Variants in REXO5 observed in about 807,000 individuals in gnomAD.
REXO5 encodes the protein exonuclease NEF-sp.
A neutral mutation model predicts 88.5 loss-of-function variants in REXO5; 48 were observed. That is an observed-to-expected ratio of 0.54 (90% CI 0.43 to 0.69). The LOEUF is 0.69. Ranked by LOEUF, REXO5 falls within the 30% of genes least tolerant of loss-of-function variation. The pLI is 0.00. For missense variants in REXO5, 749 were observed against 912.2 expected, an observed-to-expected ratio of 0.82 and a Z score of 2.30; for synonymous variants, 311 against 336.5, an observed-to-expected ratio of 0.92 and a Z score of 0.83.
chr16:20,818,424 A>C lies in REXO5; in HGVS notation c.475+2212A>C, dbSNP rs113559068. The stretch of plus-strand genomic sequence containing the variant: ...TCTACCAGTTTTTCATGTATGTTTT[A>C]TATATCCCTTTTTCTCCATAGCTTC... On this transcript the variant is annotated intron_variant, in intron 5 of 19. Coordinates refer to ENST00000261377, the MANE Select transcript of REXO5 (RefSeq NM_030941.3). 9.9e-3 allele frequency among the ~76,000 whole-genome samples: 1,507 copies of C among 152,246 alleles called. 29 individuals carry two copies. The highest frequency in any genetic ancestry group is 0.035 in the African/African-American group (1,433 of 41,530).
chr16:20,817,714 C>A (rs943784853), intron 5 of REXO5, among the ~76,000 whole-genome samples: 5 of 152,140 alleles, frequency 3.3e-5, no homozygotes, highest in African/African-American at 1.2e-4. Context: ...ATATCAGAGT[C>A]CCCAAGGCAT....
chr16:20,820,513 TA>T (rs1457227322), intron 5 of REXO5, among the ~76,000 whole-genome samples: 14 of 1,114 alleles, frequency 0.013, 1 homozygote, highest in East Asian at 0.022. Flanking sequence ...TCTCTCTCTT[TA>T]TATATATATA....
intron 2 of REXO5, chr16:20,807,361 G>T: frequency 2.4e-6 from 1 of 420,062 alleles, no homozygotes; most frequent in Admixed American, 4.1e-5. Flanking sequence ...GGCGGATCAC[G>T]AGGTCAGGAG....
chr16:20,810,353 C>T (rs1471299392), intron 2 of REXO5, among the ~76,000 whole-genome samples: 1 of 152,030 alleles, frequency 6.6e-6, no homozygotes, highest in African/African-American at 2.4e-5. Context: ...TCAGTATCTC[C>T]ACTTTAATCC....
At chr16:20,834,857 T>C (rs941616376) in intron 13 of REXO5, among the ~76,000 whole-genome samples, 2 of 152,350 alleles carry the variant, frequency 1.3e-5, no homozygotes, top group Admixed American at 1.3e-4. Flanking sequence ...TCTAGCTTCT[T>C]AAATTTCAGA....
intron 5 of REXO5, among the ~76,000 whole-genome samples, chr16:20,819,288 T>G (rs2081129438): frequency 6.6e-6 from 1 of 152,148 alleles, no homozygotes; most frequent in South Asian, 2.1e-4. Context: ...CAAATGGTAT[T>G]TCTGCCCCTA....
intron 15 of REXO5, among the ~76,000 whole-genome samples, chr16:20,842,901 T>G (rs2081552070): frequency 6.6e-6 from 1 of 152,214 alleles, no homozygotes; most frequent in Admixed American, 6.5e-5. Context: ...TATGTTTAAT[T>G]TTTTGAGGAA....
rs771074740 is a variant in REXO5, at chr16:20,840,317, T to C, written c.1489-14T>C. ...TATTCATTCCCATACTATATTCTGT[T>C]GTTTTTCCTACAGATGAGGATCAAG... On this transcript the variant is annotated splice_polypyrimidine_tract_variant and intron_variant, in intron 14 of 19. Coordinates refer to ENST00000261377, the MANE Select transcript of REXO5 (RefSeq NM_030941.3). 3.9e-6 allele frequency: 6 copies of C among 1,520,508 alleles called. No individual in the cohort carries two copies. The highest frequency in any genetic ancestry group is 5.4e-6 in the Non-Finnish European group (6 of 1,120,330). The allele number at this position is 1,520,508 out of a possible 1,614,324, so 94.2% of individuals were successfully genotyped here. A position where few individuals can be genotyped will look rare whatever the true frequency, so the allele number is the denominator to read the frequency against.
At position 20,831,244 on chromosome 16, in the gene REXO5, A is replaced by C. The variant is rs915264328; in HGVS notation, c.1159-912A>C. Reference sequence around the variant, plus strand: ...TTAATATCTAGCTTAATAGAAAACAAGTGGCTTTTCATATCTGCTTTCACA... The same window carrying C: ...TTAATATCTAGCTTAATAGAAAACACGTGGCTTTTCATATCTGCTTTCACA... On this transcript the variant is annotated intron_variant, in intron 11 of 19. Coordinates refer to ENST00000261377, the MANE Select transcript of REXO5 (RefSeq NM_030941.3). Among the ~76,000 whole-genome samples, 9 of 152,300 alleles carry C rather than the reference A, an allele frequency of 5.9e-5. No homozygotes were observed. The East Asian group carries it at 9.6e-4, about 16-fold the overall frequency.
upstream of REXO5, chr16:20,806,495 G>GT (rs1319224891): frequency 6.5e-7 from 1 of 1,546,434 alleles, no homozygotes; most frequent in African/African-American, 1.4e-5. Context: ...CTTCCGGTCC[G>GT]TTCAAAAAGC....
At chr16:20,831,197 T>C (rs569800256) in intron 11 of REXO5, among the ~76,000 whole-genome samples, 1 of 152,238 alleles carries the variant, frequency 6.6e-6, no homozygotes, top group East Asian at 1.9e-4. Context: ...CATCATTGTT[T>C]TAGGTATTTT....
At chr16:20,831,783 T>C (rs911875432) in intron 11 of REXO5, among the ~76,000 whole-genome samples, 2 of 146,814 alleles carry the variant, frequency 1.4e-5, no homozygotes, top group African/African-American at 4.9e-5. Context: ...ATTTCCAAAA[T>C]TGCATGTTTG....
chr16:20,828,371 G>C, intron 10 of REXO5, 64 bp from the exon 11 acceptor site: 1 of 952,704 alleles, frequency 1.0e-6, no homozygotes, highest in Non-Finnish European at 1.7e-6. Context: ...GAACACTTGA[G>C]ATGGTTGAAA....
chr16:20,831,544 A>T (rs2081345306), intron 11 of REXO5, among the ~76,000 whole-genome samples: 1 of 152,132 alleles, frequency 6.6e-6, no homozygotes, highest in South Asian at 2.1e-4. Flanking sequence ...CTATATGGGA[A>T]CTCTGTACTA....
At chr16:20,824,395 C>A in intron 6 of REXO5, 44 bp from the exon 7 acceptor site, 1 of 1,077,964 alleles carries the variant, frequency 9.3e-7, no homozygotes, top group South Asian at 1.3e-5. Flanking sequence ...TGATGTTTAC[C>A]ATCTCTATTC....
rs1197423730 is a variant in REXO5 at position 20,821,785 on chromosome 16, G to A, written c.499G>A (p.Ala167Thr). ...MEGPLPSNAKAAINLQDDPII... is the reference protein window; with the variant it reads ...MEGPLPSNAKTAINLQDDPII... ...AGGGCCTTTACCTTCTAATGCAAAA[G>A]CCGCCATCAACCTTCAGGATGATCC... The change falls in exon 6 of 20, where the codon GCC (alanine) becomes ACC (threonine). Residue 167 changes from alanine to threonine, a missense_variant. By Grantham distance (58) the Ala-to-Thr change is moderately conservative. Coordinates refer to ENST00000261377, the MANE Select transcript of REXO5 (RefSeq NM_030941.3). 1.3e-6 allele frequency: 2 copies of A among 1,591,790 alleles called. No homozygotes were observed. Among genetic ancestry groups the A allele is most frequent in the Non-Finnish European group, 1.7e-6 (2 of 1,173,696 alleles).
At position 20,840,311 on chromosome 16, in the gene REXO5, T is replaced by G; in HGVS notation, c.1489-20T>G. The G allele has an allele frequency of 6.6e-7, 1 of 1,514,614 alleles. No homozygotes were observed. The highest frequency in any genetic ancestry group is 9.0e-7 in the Non-Finnish European group (1 of 1,116,336). 93.8% of individuals were successfully genotyped at this position (1,514,614 alleles called of 1,614,324 possible). A position where few individuals can be genotyped will look rare whatever the true frequency, so the allele number is the denominator to read the frequency against. On this transcript the variant is annotated intron_variant, in intron 14 of 19. Coordinates refer to ENST00000261377, the MANE Select transcript of REXO5 (RefSeq NM_030941.3). Reference sequence around the variant, plus strand: ...TTTCCATATTCATTCCCATACTATATTCTGTTGTTTTTCCTACAGATGAGG... The same window carrying G: ...TTTCCATATTCATTCCCATACTATAGTCTGTTGTTTTTCCTACAGATGAGG...
chr16:20,832,948 C>T (rs1432618226), intron 12 of REXO5, 55 bp from the exon 13 acceptor site: 1 of 1,534,188 alleles, frequency 6.5e-7, no homozygotes, highest in Non-Finnish European at 8.9e-7. Flanking sequence ...AGAGAAATAA[C>T]TGTCAGGTTC....
At chr16:20,831,909 A>G (rs767443987) in intron 11 of REXO5, among the ~76,000 whole-genome samples, 139 of 152,186 alleles carry the variant, frequency 9.1e-4, no homozygotes, top group Non-Finnish European at 1.7e-3. Flanking sequence ...GCCCTTCCCC[A>G]TATTCATGTA....
Sources: gnomAD v4.1 joint callset for allele counts (sites outside exome capture counted in the v4.1 genomes callset) on GRCh38, gnomAD v4.1.1 for gene constraint, MANE v1.5 for transcripts, NCBI Gene and HGNC (gene_info 2026-07-23, HGNC 2026-07-21) for gene names.